ARIH2: variants seen among roughly 807,000 people sequenced by gnomAD.
The protein encoded by ARIH2 is ariadne RBR E3 ubiquitin protein ligase 2.
In ARIH2, 12 loss-of-function variants were observed where a neutral mutation model predicts 79.8. The observed-to-expected ratio is 0.15, with a 90% CI of 0.10 to 0.24. ARIH2 has a LOEUF of 0.24. ARIH2 is among the 10% of genes least tolerant of loss of function. The probability of loss-of-function intolerance (pLI) is 1.00; values close to 1 mark genes in which losing one functional copy is unlikely to be tolerated. For missense variants in ARIH2, 301 were observed against 618.3 expected, an observed-to-expected ratio of 0.49 and a Z score of 5.44; for synonymous variants, 224 against 213.9, an observed-to-expected ratio of 1.05 and a Z score of -0.41.
At chr3:48,964,836 C>T in intron 4 of ARIH2, 83 bp from the exon 5 acceptor site, 1 of 1,082,124 alleles carries the variant, frequency 9.2e-7, no homozygotes, top group East Asian at 2.5e-5. Context: ...ATGCTCTAAA[C>T]ATCTTTCTCT....
chr3:48,932,825 C>T (rs913415885), intron 3 of ARIH2, among the ~76,000 whole-genome samples: 3 of 152,070 alleles, frequency 2.0e-5, no homozygotes, highest in African/African-American at 7.2e-5. Flanking sequence ...AGATCTAGTC[C>T]AGGAGGTGTA....
rs2092410863 is a variant in ARIH2, at chr3:48,974,636, G to A, written c.889-181G>A. ...GAAGCATTTCAAAGCTAAATGTGCT[G>A]ACCTCATTTCCTTGAATTGCTGTTC... On this transcript the variant is annotated intron_variant, in intron 9 of 15. Coordinates refer to ENST00000356401, the MANE Select transcript of ARIH2 (RefSeq NM_006321.4). The A allele has an allele frequency of 3.1e-5, 20 of 645,614 alleles. No homozygotes were observed. The South Asian group carries it at 3.6e-4, about 12-fold the overall frequency. The allele number at this position is 645,614 out of a possible 1,614,324, so 40.0% of individuals were successfully genotyped here.
chr3:48,937,564 C>T (rs897768449), intron 3 of ARIH2, among the ~76,000 whole-genome samples: 1 of 152,220 alleles, frequency 6.6e-6, no homozygotes, highest in African/African-American at 2.4e-5. Context: ...CCTAACAGCA[C>T]CTGGCAGAAA....
chr3:48,963,579 C>T (rs2107550273), intron 4 of ARIH2, among the ~76,000 whole-genome samples: 1 of 152,256 alleles, frequency 6.6e-6, no homozygotes, highest in South Asian at 2.1e-4. Context: ...GTAGGTAACT[C>T]TTACTGTCAC....
intron 3 of ARIH2, among the ~76,000 whole-genome samples, chr3:48,946,943 C>T (rs1384048669): frequency 2.0e-5 from 3 of 152,116 alleles, no homozygotes; most frequent in South Asian, 4.1e-4. Context: ...CCCTAGCTCC[C>T]GGTAAAATGA....
At chr3:48,963,854 C>G (rs1311512270) in intron 4 of ARIH2, among the ~76,000 whole-genome samples, 1 of 152,004 alleles carries the variant, frequency 6.6e-6, no homozygotes, top group African/African-American at 2.4e-5. Context: ...TTTGTGCTGC[C>G]TCCTCCTTTG....
At chr3:48,923,807 C>T (rs887418845) in intron 2 of ARIH2, among the ~76,000 whole-genome samples, 2 of 151,988 alleles carry the variant, frequency 1.3e-5, no homozygotes, top group Non-Finnish European at 2.9e-5. Flanking sequence ...AGGTGTGAGC[C>T]ACCGCGCCTC....
chr3:48,927,438 C>T, intron 2 of ARIH2, 24 bp from the exon 3 acceptor site: 1 of 1,256,948 alleles, frequency 8.0e-7, no homozygotes, highest in Non-Finnish European at 1.1e-6. Flanking sequence ...AAAAGTAACA[C>T]TTATTTTTTT....
chr3:48,971,717 T>C (rs2107622114), intron 8 of ARIH2, among the ~76,000 whole-genome samples: 1 of 152,304 alleles, frequency 6.6e-6, no homozygotes, highest in Middle Eastern at 3.4e-3. Flanking sequence ...TGCCTGCATT[T>C]CAAGACATTA....
chr3:48,981,970 A>T (rs1281104520), intron 14 of ARIH2, among the ~76,000 whole-genome samples: 2 of 152,224 alleles, frequency 1.3e-5, no homozygotes, highest in African/African-American at 4.8e-5. Flanking sequence ...TTAAAGGGCG[A>T]TTGGCTAAAA....
chr3:48,954,685 A>G (rs1469404220), intron 3 of ARIH2, among the ~76,000 whole-genome samples: 1 of 152,180 alleles, frequency 6.6e-6, no homozygotes, highest in East Asian at 1.9e-4. Context: ...CCTCTGGGGA[A>G]TAGTGGAAAT....
chr3:48,970,909 A>T (rs2092187812), intron 8 of ARIH2: 1 of 475,138 alleles, frequency 2.1e-6, no homozygotes, highest in Non-Finnish European at 3.8e-6. Flanking sequence ...GAGGCAAGGA[A>T]GTGACACAGG....
intron 8 of ARIH2, among the ~76,000 whole-genome samples, chr3:48,971,723 CATT>C (rs1198784232): frequency 1.6e-4 from 24 of 152,176 alleles, no homozygotes; most frequent in African/African-American, 5.8e-4. Flanking sequence ...CATTTCAAGA[CATT>C]ATTGACACCA....
chr3:48,957,163 G>A (rs575973712), intron 3 of ARIH2, among the ~76,000 whole-genome samples: 1 of 152,166 alleles, frequency 6.6e-6, no homozygotes, highest in Non-Finnish European at 1.5e-5. Flanking sequence ...ATTCTGAGTT[G>A]GTCATTATCA....
At chr3:48,973,287 C>T (rs892695632) in intron 8 of ARIH2, among the ~76,000 whole-genome samples, 6 of 151,868 alleles carry the variant, frequency 4.0e-5, no homozygotes, top group African/African-American at 1.2e-4. Flanking sequence ...ACTAAAAATA[C>T]AAAAATTAGA....
At chr3:48,923,952 A>G (rs1230434495) in intron 2 of ARIH2, among the ~76,000 whole-genome samples, 2 of 152,208 alleles carry the variant, frequency 1.3e-5, no homozygotes, top group Non-Finnish European at 2.9e-5. Context: ...TGAGCAACAT[A>G]GTAAAACCCT....
chr3:48,922,201 G>GTGAC (rs529284699), intron 1 of ARIH2: 1 of 152,068 alleles, frequency 6.6e-6, no homozygotes, highest in Non-Finnish European at 1.5e-5. Context: ...TCCAACCTGG[G>GTGAC]TGACAGAGGG....
In ARIH2 at chr3:48,956,124, T is replaced by C. The variant is rs573695257; in HGVS notation, c.256-5488T>C. Among the ~76,000 whole-genome samples, 11 of 152,092 alleles carry C rather than the reference T, an allele frequency of 7.2e-5. No homozygotes were observed. In the South Asian group the frequency reaches 2.3e-3, roughly 32 times the overall value. ...TCTTCTGTGTACTATCAACCTAATATGTGTAATTATCTCCTTTACTTTTTT... is the reference window on the plus strand; with the variant it reads ...TCTTCTGTGTACTATCAACCTAATACGTGTAATTATCTCCTTTACTTTTTT... On this transcript the variant is annotated intron_variant, in intron 3 of 15. Coordinates refer to ENST00000356401, the MANE Select transcript of ARIH2 (RefSeq NM_006321.4).
chr3:48,982,267 G>T (rs1462510078), intron 14 of ARIH2, among the ~76,000 whole-genome samples: 1 of 152,086 alleles, frequency 6.6e-6, no homozygotes, highest in African/African-American at 2.4e-5. Context: ...TATAATCAAG[G>T]TTATATATAA....
Sources: allele counts gnomAD v4.1 joint callset (sites outside exome capture counted in the v4.1 genomes callset), GRCh38; gene constraint gnomAD v4.1.1; transcripts MANE v1.5; gene names NCBI Gene and HGNC (gene_info 2026-07-23, HGNC 2026-07-21).